The following MRTFA variants were observed in gnomAD, a reference collection of about 807,000 sequenced individuals.
The protein encoded by MRTFA is myocardin-related transcription factor A.
MRTFA carries 20 observed loss-of-function variants against 83.5 expected under a neutral mutation model. The observed-to-expected ratio is 0.24, with a 90% CI of 0.17 to 0.35. MRTFA has a LOEUF of 0.35. Among genes scored for constraint, MRTFA ranks in the 10% least tolerant of loss-of-function variants. The probability of loss-of-function intolerance (pLI) is 1.00; values close to 1 mark genes in which losing one functional copy is unlikely to be tolerated. For synonymous variants in MRTFA, 659 were observed against 541.2 expected (o/e 1.22, Z -3.02); for missense variants, 1,200 against 1,224.7 (o/e 0.98, Z 0.30).
chr22:40,537,015 G>T (rs1489726402), intron 3 of MRTFA, among the ~76,000 whole-genome samples: 1 of 69,420 alleles, frequency 1.4e-5, no homozygotes, highest in Non-Finnish European at 2.8e-5. Context: ...AGGGAGGTGG[G>T]GGGGGGTCAG....
At chr22:40,434,046 T>C (rs530517105) in intron 5 of MRTFA, among the ~76,000 whole-genome samples, 20 of 152,318 alleles carry the variant, frequency 1.3e-4, no homozygotes, top group Admixed American at 2.0e-4. Context: ...ATGAGGATAA[T>C]ACCACCTAAT....
chr22:40,509,585 C>A (rs533090909), intron 3 of MRTFA, among the ~76,000 whole-genome samples: 1 of 152,308 alleles, frequency 6.6e-6, no homozygotes, highest in South Asian at 2.1e-4. Flanking sequence ...TACCACACAA[C>A]TGAAAAGCTA....
At chr22:40,631,787 T>A (rs1160229842) in intron 1 of MRTFA, among the ~76,000 whole-genome samples, 1 of 152,230 alleles carries the variant, frequency 6.6e-6, no homozygotes, top group Admixed American at 6.5e-5. Flanking sequence ...CAATAAATAT[T>A]TATAAATATC....
chr22:40,497,105 C>T (rs1478470205), intron 3 of MRTFA, among the ~76,000 whole-genome samples: 1 of 152,170 alleles, frequency 6.6e-6, no homozygotes, highest in Admixed American at 6.5e-5. Context: ...GTTCAAGAAA[C>T]GGAGACAGCC....
intron 1 of MRTFA, among the ~76,000 whole-genome samples, chr22:40,598,998 A>T (rs917358905): frequency 2.8e-5 from 3 of 107,476 alleles, no homozygotes; most frequent in African/African-American, 9.2e-5. Flanking sequence ...AACTCCATCT[A>T]AAAAAAAAAA....
At chr22:40,536,375 C>G in intron 3 of MRTFA, among the ~76,000 whole-genome samples, 1 of 150,410 alleles carries the variant, frequency 6.6e-6, no homozygotes, top group Admixed American at 6.6e-5. Flanking sequence ...GGCAGCGGAG[C>G]TGTCTCAGTC....
intron 3 of MRTFA, among the ~76,000 whole-genome samples, chr22:40,542,781 T>C (rs1331784746): frequency 3.3e-5 from 5 of 152,202 alleles, no homozygotes; most frequent in African/African-American, 1.2e-4. Flanking sequence ...CTTATAAAAA[T>C]ATTTCAGTAA....
chr22:40,497,861 C>T (rs191575380), intron 3 of MRTFA, among the ~76,000 whole-genome samples: 3 of 150,410 alleles, frequency 2.0e-5, no homozygotes, highest in African/African-American at 7.3e-5. Flanking sequence ...TGGCCGGGCA[C>T]AGTAGCTCAC....
intron 3 of MRTFA, among the ~76,000 whole-genome samples, chr22:40,500,461 T>C (rs1056350879): frequency 2.0e-5 from 3 of 149,222 alleles, no homozygotes; most frequent in African/African-American, 4.9e-5. Context: ...GGCAGGGTCA[T>C]GGGACAATAG....
intron 3 of MRTFA, among the ~76,000 whole-genome samples, chr22:40,511,733 G>C (rs2054671403): frequency 6.6e-6 from 1 of 152,176 alleles, no homozygotes; most frequent in South Asian, 2.1e-4. Context: ...GTGCCTACTG[G>C]TGGCAGTGCC....
rs5757991 is a variant in MRTFA, at chr22:40,531,517, G to A, written c.241+20589C>T. Among the ~76,000 whole-genome samples, 7 of 152,110 alleles carry A rather than the reference G, an allele frequency of 4.6e-5. No homozygotes were observed. In the East Asian group the frequency reaches 1.4e-3, roughly 29 times the overall value. ...TTGCTATCATATTCAATATCCTGAAGTTTTATTTAGGGTAAAACTTTCCAT... is the reference window on the plus strand; with the variant it reads ...TTGCTATCATATTCAATATCCTGAAATTTTATTTAGGGTAAAACTTTCCAT... On this transcript the variant is annotated intron_variant, in intron 3 of 14. Coordinates refer to ENST00000355630, the MANE Select transcript of MRTFA (RefSeq NM_020831.6).
chr22:40,550,037 A>T (rs900825704), intron 3 of MRTFA, among the ~76,000 whole-genome samples: 11 of 133,310 alleles, frequency 8.3e-5, no homozygotes, highest in Non-Finnish European at 1.4e-4. Flanking sequence ...CAACAGAGTG[A>T]GACTCTGTTG....
intron 2 of MRTFA, chr22:40,569,758 T>C (rs181248928): frequency 6.6e-6 from 1 of 151,072 alleles, no homozygotes; most frequent in African/African-American, 2.5e-5. Flanking sequence ...CATACATACA[T>C]ACATACATAC....
At chr22:40,490,444 A>G (rs2054253538) in intron 3 of MRTFA, among the ~76,000 whole-genome samples, 1 of 152,052 alleles carries the variant, frequency 6.6e-6, no homozygotes, top group African/African-American at 2.4e-5. Context: ...CTAAAAATAC[A>G]AAAAACTACC....
chr22:40,571,687 G>A (rs1484603220), intron 2 of MRTFA, among the ~76,000 whole-genome samples: 1 of 151,832 alleles, frequency 6.6e-6, no homozygotes, highest in African/African-American at 2.4e-5. Flanking sequence ...GAGAGGCCGA[G>A]GTAAGTCGAT....
chr22:40,530,399 CA>C (rs1363983150), intron 3 of MRTFA, among the ~76,000 whole-genome samples: 1 of 152,218 alleles, frequency 6.6e-6, no homozygotes, highest in Non-Finnish European at 1.5e-5. Flanking sequence ...CAGGTTCAAG[CA>C]ATTCTCCTGC....
intron 1 of MRTFA, among the ~76,000 whole-genome samples, chr22:40,607,154 C>T (rs376460036): frequency 4.6e-5 from 7 of 152,158 alleles, no homozygotes; most frequent in African/African-American, 1.7e-4. Flanking sequence ...AACCTCCTTG[C>T]CCTCAAAGCC....
intron 3 of MRTFA, among the ~76,000 whole-genome samples, chr22:40,472,998 G>C (rs1433953599): frequency 6.6e-6 from 1 of 152,046 alleles, no homozygotes; most frequent in African/African-American, 2.4e-5. Context: ...TTTGTCAAGG[G>C]GAAGAAAATG....
At position 40,410,718 on chromosome 22, in the gene MRTFA, T is replaced by C. The variant is rs1419867110; in HGVS notation, c.*672A>G. On this transcript the variant is annotated 3_prime_UTR_variant, in exon 15 of 15. Transcript: ENST00000355630. Reference sequence around the variant, plus strand: ...TGTGGCACACAGCTCAAGGGTAACCTTGCATCCAGGCCCTTCTGTGAGAGT... The same window carrying C: ...TGTGGCACACAGCTCAAGGGTAACCCTGCATCCAGGCCCTTCTGTGAGAGT... 1 of 233,132 alleles carries C rather than the reference T, an allele frequency of 4.3e-6. No individual in the cohort carries two copies. Among genetic ancestry groups the C allele is most frequent in the Admixed American group, 5.6e-5 (1 of 17,762 alleles). The allele number at this position is 233,132 out of a possible 1,614,324, so 14.4% of individuals were successfully genotyped here.
Sources: gnomAD v4.1 joint callset for allele counts (sites outside exome capture counted in the v4.1 genomes callset) on GRCh38, gnomAD v4.1.1 for gene constraint, MANE v1.5 for transcripts, NCBI Gene and HGNC (gene_info 2026-07-23, HGNC 2026-07-21) for gene names.